SLC40A1: variants seen among roughly 807,000 people sequenced by gnomAD.
SLC40A1 encodes the protein ferroportin.
A neutral mutation model predicts 53.5 loss-of-function variants in SLC40A1; 16 were observed. The observed-to-expected ratio is 0.30, with a 90% CI of 0.20 to 0.45. The LOEUF is 0.45. Ranked by LOEUF, SLC40A1 falls within the 20% of genes least tolerant of loss-of-function variation. The pLI, the probability that SLC40A1 is intolerant of heterozygous loss-of-function variation, is 1.00. For missense variants in SLC40A1, 545 were observed against 695.4 expected, an observed-to-expected ratio of 0.78 and a Z score of 2.43; for synonymous variants, 247 against 253.2, an observed-to-expected ratio of 0.98 and a Z score of 0.23.
At chr2:189,565,300 A>G in intron 6 of SLC40A1, 54 bp downstream of exon 6, 1 of 1,608,432 alleles carries the variant, frequency 6.2e-7, no homozygotes, top group Non-Finnish European at 8.5e-7. Flanking sequence ...ATCTTCACCA[A>G]CATTTAAGGT....
Position 189,580,782 on chromosome 2 carries a change from C to CCGT in SLC40A1, c.-323_-322insACG. On this transcript the variant is annotated 5_prime_UTR_variant, in exon 1 of 8. Transcript: ENST00000261024. ...GAGCCAGCTCTCTCCGCCGCCGCCG[C>CCGT]CGCCGCCGTGGGCCGGGCCCAGCTC... 7.8e-7 allele frequency: 1 copy of CCGT among 1,279,056 alleles called. No individual in the cohort carries two copies. The highest frequency in any genetic ancestry group is 1.5e-5 in the South Asian group (1 of 65,366). The allele number at this position is 1,279,056 out of a possible 1,614,324, so 79.2% of individuals were successfully genotyped here.
intron 6 of SLC40A1, among the ~76,000 whole-genome samples, chr2:189,564,856 AC>A (rs2030882057): frequency 6.6e-6 from 1 of 151,990 alleles, no homozygotes; most frequent in Non-Finnish European, 1.5e-5. Context: ...ACAAAAAACA[AC>A]CAGCATATTA....
At position 189,563,716 on chromosome 2, in the gene SLC40A1, G is replaced by A. The variant is rs765373711; in HGVS notation, c.1270C>T (p.Pro424Ser). 1.9e-6 allele frequency: 3 copies of A among 1,613,960 alleles called. No individual in the cohort carries two copies. Among genetic ancestry groups the A allele is most frequent in the East Asian group, 4.5e-5 (2 of 44,900 alleles). The part of the protein sequence containing the change: ...QGESITPTKI[P>S]EITTEIYMSN... ...ATGTATATTTCAGTTGTAATTTCAG[G>A]TATCTTGGTAGGTGTAATTGACTCT... Residue 424 changes from proline (P) to serine (S), a missense_variant, in exon 7 of 8, where the codon CCT becomes TCT. Pro to Ser is a moderately conservative substitution (Grantham distance 74). This residue lies in a region of SLC40A1 where 234 missense variants were observed against 299.0 expected (regional missense o/e 0.78). Coordinates refer to ENST00000261024, the MANE Select transcript of SLC40A1 (RefSeq NM_014585.6).
intron 2 of SLC40A1, among the ~76,000 whole-genome samples, chr2:189,579,307 G>A (rs1460646525): frequency 1.3e-5 from 2 of 152,122 alleles, no homozygotes; most frequent in Non-Finnish European, 2.9e-5. Flanking sequence ...TCAGATATTT[G>A]TTCTGGGGGT....
Position 189,563,676 on chromosome 2 carries a change from T to C in SLC40A1, c.1310A>G (p.Asn437Ser). ...TTEIYMSNGS[N>S]SANIVPETSP... ...TGTCTCCGGGACAATATTAGCAGAATTAGACCCATTAGACATGTATATTTC... is the reference window on the plus strand; with the variant it reads ...TGTCTCCGGGACAATATTAGCAGAACTAGACCCATTAGACATGTATATTTC... Residue 437 changes from asparagine to serine, a missense_variant, in exon 7 of 8, where the codon AAT becomes AGT. By Grantham distance (46) the Asn-to-Ser change is conservative. Coordinates refer to ENST00000261024, the MANE Select transcript of SLC40A1 (RefSeq NM_014585.6). 6.2e-7 allele frequency: 1 copy of C among 1,614,132 alleles called. No homozygotes were observed. Among genetic ancestry groups the C allele is most frequent in the East Asian group, 2.2e-5 (1 of 44,880 alleles).
Position 189,561,335 on chromosome 2 carries a change from T to C in SLC40A1, c.*543A>G, listed in dbSNP as rs1400721047. ...AACCATAAACCTTATTAGAGAATTC[T>C]AGTTAAGTGTTTTGTTTTTCCACAT... is the stretch of plus-strand genomic sequence containing the variant. On this transcript the variant is annotated 3_prime_UTR_variant, in exon 8 of 8. Coordinates refer to ENST00000261024, the MANE Select transcript of SLC40A1 (RefSeq NM_014585.6). 1 of 154,982 alleles carries C rather than the reference T, an allele frequency of 6.5e-6. No homozygotes were observed. Among genetic ancestry groups the C allele is most frequent in the East Asian group, 1.9e-4 (1 of 5,272 alleles). The allele number at this position is 154,982 out of a possible 1,614,324, so 9.6% of individuals were successfully genotyped here. A position where few individuals can be genotyped will look rare whatever the true frequency, so the allele number is the denominator to read the frequency against.
rs1445745217 is a variant in SLC40A1, at chr2:189,560,833, T to C, written c.*1045A>G. 3.3e-5 allele frequency: 5 copies of C among 152,622 alleles called. No homozygotes were observed. Among genetic ancestry groups the C allele is most frequent in the Non-Finnish European group, 7.3e-5 (5 of 68,030 alleles). 9.5% of individuals were successfully genotyped at this position (152,622 alleles called of 1,614,324 possible). A position where few individuals can be genotyped will look rare whatever the true frequency, so the allele number is the denominator to read the frequency against. ...ACAATTTTTTAAAATATATACAAAC[T>C]TTTTTTCTTCTATTCTTCTCAAAGG... On this transcript the variant is annotated 3_prime_UTR_variant, in exon 8 of 8. Coordinates refer to ENST00000261024, the MANE Select transcript of SLC40A1 (RefSeq NM_014585.6).
chr2:189,569,777 A>G (rs1281580540), intron 5 of SLC40A1, among the ~76,000 whole-genome samples: 1 of 152,180 alleles, frequency 6.6e-6, no homozygotes, highest in African/African-American at 2.4e-5. Context: ...CCTACTTGAA[A>G]AACATCAGAA....
chr2:189,572,871 A>T lies in SLC40A1; in HGVS notation c.362T>A (p.Leu121Gln). The change falls in exon 4 of 8, where the codon CTG becomes CAG. Residue 121 changes from leucine (L) to glutamine (Q), a missense_variant. Coordinates refer to ENST00000261024, the MANE Select transcript of SLC40A1 (RefSeq NM_014585.6). ...MMVFLHKHEL[L>Q]TMYHGWVLTS... ...GAGAACCCATCCATGGTACATGGTC[A>T]GAAGCTCATGTTTATGTAAGAAAAC... 1 of 1,612,472 alleles carries T rather than the reference A, an allele frequency of 6.2e-7. No individual in the cohort carries two copies. The highest frequency in any genetic ancestry group is 1.1e-5 in the South Asian group (1 of 91,048).
intron 3 of SLC40A1, 96 bp from the exon 4 acceptor site, chr2:189,573,057 A>G: frequency 1.2e-6 from 1 of 867,088 alleles, no homozygotes; most frequent in Non-Finnish European, 2.0e-6. Context: ...ATACATTAAT[A>G]CACAGACCTA....
chr2:189,568,632 C>T (rs1445668401), intron 5 of SLC40A1, among the ~76,000 whole-genome samples: 2 of 152,360 alleles, frequency 1.3e-5, no homozygotes, highest in Non-Finnish European at 2.9e-5. Context: ...TCCAATTTAA[C>T]TGTTCTCAGC....
Position 189,575,166 on chromosome 2 carries a change from A to G in SLC40A1, c.266T>C (p.Leu89Pro). Reference protein sequence around the residue: ...IGDWVDKNARLKVAQTSLVVQ... With the variant: ...IGDWVDKNARPKVAQTSLVVQ... ...AATTATATAACAACACTCACCTTTA[A>G]GTCTAGCATTCTTGTCCACCCAGTC... Residue 89 changes from leucine to proline, a missense_variant, in exon 3 of 8, where the codon CTT becomes CCT. By Grantham distance (98) the Leu-to-Pro change is moderately conservative (BLOSUM62 -3). This residue lies in a region of SLC40A1 where 197 missense variants were observed against 278.8 expected (regional missense o/e 0.71). Transcript: ENST00000261024. 6.2e-7 allele frequency: 1 copy of G among 1,614,042 alleles called. No homozygotes were observed. The highest frequency in any genetic ancestry group is 2.2e-5 in the East Asian group (1 of 44,868).
chr2:189,570,048 A>T (rs1306425209), intron 5 of SLC40A1, among the ~76,000 whole-genome samples: 1 of 149,366 alleles, frequency 6.7e-6, no homozygotes, highest in Non-Finnish European at 1.5e-5. Flanking sequence ...ATATATACAC[A>T]CACCTATATA....
chr2:189,565,955 A>G (rs905155252), intron 5 of SLC40A1, among the ~76,000 whole-genome samples: 3 of 152,264 alleles, frequency 2.0e-5, no homozygotes, highest in Admixed American at 6.5e-5. Context: ...GAAGAAAAGT[A>G]ACATTCTTCC....
At chr2:189,572,062 T>A (rs1009312662) in intron 4 of SLC40A1, among the ~76,000 whole-genome samples, 2 of 152,088 alleles carry the variant, frequency 1.3e-5, no homozygotes, top group Admixed American at 6.6e-5. Context: ...TCATCTGTAG[T>A]ACACATAATA....
Position 189,562,198 on chromosome 2 carries a change from T to C in SLC40A1, c.1403-7A>G, listed in dbSNP as rs1287540593. The C allele has an allele frequency of 4.4e-6, 7 of 1,582,416 alleles. No individual in the cohort carries two copies. Among genetic ancestry groups the C allele is most frequent in the Non-Finnish European group, 6.0e-6 (7 of 1,162,646 alleles). On this transcript the variant is annotated splice_region_variant and splice_polypyrimidine_tract_variant and intron_variant, in intron 7 of 7. Transcript: ENST00000261024. ...AAATCAAAGGACCAAAGACCTATAA[T>C]AAAATATTTTTTTAAAGATTAGATT...
Position 189,561,622 on chromosome 2 carries a change from A to T in SLC40A1, c.*256T>A. On this transcript the variant is annotated 3_prime_UTR_variant, in exon 8 of 8. Coordinates refer to ENST00000261024, the MANE Select transcript of SLC40A1 (RefSeq NM_014585.6). ...TGTATCTACTCATGAGAAATAGGGGAATTCAGTGTTATCATTATAGTCTCC... is the reference window on the plus strand; with the variant it reads ...TGTATCTACTCATGAGAAATAGGGGTATTCAGTGTTATCATTATAGTCTCC... 1 of 456,746 alleles carries T rather than the reference A, an allele frequency of 2.2e-6. No individual in the cohort carries two copies. Among genetic ancestry groups the T allele is most frequent in the Non-Finnish European group, 4.0e-6 (1 of 251,378 alleles). 28.3% of individuals were successfully genotyped at this position (456,746 alleles called of 1,614,324 possible). A position where few individuals can be genotyped will look rare whatever the true frequency, so the allele number is the denominator to read the frequency against.
Position 189,580,781 on chromosome 2 carries a change from G to A in SLC40A1, c.-321C>T. The A allele has an allele frequency of 7.8e-7, 1 of 1,278,612 alleles. No homozygotes were observed. The highest frequency in any genetic ancestry group is 1.0e-6 in the Non-Finnish European group (1 of 1,004,130). 79.2% of individuals were successfully genotyped at this position (1,278,612 alleles called of 1,614,324 possible). On this transcript the variant is annotated 5_prime_UTR_variant, in exon 1 of 8. Transcript: ENST00000261024. ...TGAGCCAGCTCTCTCCGCCGCCGCC[G>A]CCGCCGCCGTGGGCCGGGCCCAGCT...
rs1559016393 is a variant in SLC40A1, at chr2:189,580,408, C to A, written c.43+10G>T. 1 of 1,613,648 alleles carries A rather than the reference C, an allele frequency of 6.2e-7. No individual in the cohort carries two copies. The highest frequency in any genetic ancestry group is 8.5e-7 in the Non-Finnish European group (1 of 1,179,954). ...GTTTCCACCATATGCTTTCGGTCAA[C>A]GACACTCACCACAGCATCCTCTCTG... is the stretch of plus-strand genomic sequence containing the variant. On this transcript the variant is annotated intron_variant, in intron 1 of 7. Coordinates refer to ENST00000261024, the MANE Select transcript of SLC40A1 (RefSeq NM_014585.6).
Sources: gnomAD v4.1 joint callset for allele counts (sites outside exome capture counted in the v4.1 genomes callset) on GRCh38, gnomAD v4.1.1 for gene constraint, gnomAD v4.1.1 regional missense constraint, MANE v1.5 for transcripts, NCBI Gene and HGNC (gene_info 2026-07-23, HGNC 2026-07-21) for gene names.